Variants in AR observed in about 807,000 individuals in gnomAD.
AR encodes the protein dihydrotestosterone receptor.
Under a neutral mutation model 53.9 loss-of-function variants are expected in AR, and 8 were observed. That is an observed-to-expected ratio of 0.15 (90% confidence interval 0.09 to 0.27). AR has a LOEUF of 0.27. Ranked by LOEUF, AR falls within the 10% of genes least tolerant of loss-of-function variation. The pLI, the probability that AR is intolerant of heterozygous loss-of-function variation, is 1.00. For synonymous variants in AR, 359 were observed against 316.4 expected, an observed-to-expected ratio of 1.13 and a Z score of -1.43; for missense variants, 639 against 742.5, an observed-to-expected ratio of 0.86 and a Z score of 1.62.
chrX:67,685,254 A>G (rs1348326038), intron 2 of AR, among the ~76,000 whole-genome samples: 1 of 111,833 alleles, frequency 8.9e-6, no homozygotes, highest in African/African-American at 3.2e-5. Context: ...TAAAGGAGCA[A>G]AGTATTGAGC....
chrX:67,627,905 A>G (rs1215851970), intron 1 of AR, among the ~76,000 whole-genome samples: 2 of 111,875 alleles, frequency 1.8e-5, no homozygotes, highest in African/African-American at 6.5e-5. Context: ...TCCTTGCCCC[A>G]TTGCTTATTT....
At chrX:67,566,832 C>A (rs184655729) in intron 1 of AR, among the ~76,000 whole-genome samples, 16 of 111,469 alleles carry the variant, frequency 1.4e-4, no homozygotes, top group Admixed American at 2.9e-4. Context: ...TGAGCATTTA[C>A]CTGTCAGTGA....
At chrX:67,691,716 A>G (rs2075996473) in intron 3 of AR, among the ~76,000 whole-genome samples, 1 of 112,101 alleles carries the variant, frequency 8.9e-6, no homozygotes. Flanking sequence ...GAATCAGTCA[A>G]TAATGCATTA....
In AR at chrX:67,687,337, T is replaced by G. The variant is rs1166092191; in HGVS notation, c.1885+1211T>G. On this transcript the variant is annotated intron_variant, in intron 3 of 7. Transcript: ENST00000374690. Reference sequence around the variant, plus strand: ...TCCCCATCCTCACAGGGCAGTAGTATTATTTAAACAGAACAAAGTACCTCA... The same window carrying G: ...TCCCCATCCTCACAGGGCAGTAGTAGTATTTAAACAGAACAAAGTACCTCA... Among the ~76,000 whole-genome samples, 83 of 112,119 alleles carry G rather than the reference T, an allele frequency of 7.4e-4. 1 individual carries two copies. In the Admixed American group the frequency reaches 7.8e-3, roughly 10 times the overall value.
chrX:67,674,179 T>TTC (rs1306417766), intron 2 of AR, among the ~76,000 whole-genome samples: 1 of 103,603 alleles, frequency 9.7e-6, no homozygotes. Context: ...CTCTCTCTCT[T>TTC]TCTCTCTCTC....
intron 2 of AR, among the ~76,000 whole-genome samples, chrX:67,682,577 C>T (rs1230492024): frequency 9.9e-5 from 11 of 111,670 alleles, no homozygotes. Flanking sequence ...AGGAGTGAGC[C>T]ACTGCACCTG....
chrX:67,683,025 A>G (rs1168645138), intron 2 of AR, among the ~76,000 whole-genome samples: 1 of 112,105 alleles, frequency 8.9e-6, no homozygotes, highest in East Asian at 2.8e-4. Flanking sequence ...GGTGTGTTTT[A>G]TGCTTTATGT....
chrX:67,661,187 T>A (rs1199795708), intron 2 of AR, among the ~76,000 whole-genome samples: 1 of 111,501 alleles, frequency 9.0e-6, no homozygotes, highest in East Asian at 2.8e-4. Context: ...CCTCTTTTCC[T>A]AATTGAATGC....
In AR at chrX:67,710,013, G is replaced by A. The variant is rs111835203; in HGVS notation, c.1886-1389G>A. On this transcript the variant is annotated intron_variant, in intron 3 of 7. Coordinates refer to ENST00000374690, the MANE Select transcript of AR (RefSeq NM_000044.6). ...GATATGTGTGCCTGCCAACCTTTCC[G>A]TCTCCAAGAGCTTTAACTATCAAAA... 3.4e-3 allele frequency among the ~76,000 whole-genome samples: 379 copies of A among 110,991 alleles called. 1 individual carries two copies. The highest frequency in any genetic ancestry group is 0.011 in the African/African-American group (344 of 30,520).
intron 1 of AR, among the ~76,000 whole-genome samples, chrX:67,592,971 G>A (rs950023683): frequency 2.7e-5 from 3 of 111,785 alleles, no homozygotes; most frequent in African/African-American, 9.8e-5. Flanking sequence ...ATAGTGCCAA[G>A]AATATTATCT....
chrX:67,723,959 C>A lies in AR; in HGVS notation c.*118C>A. On this transcript the variant is annotated 3_prime_UTR_variant, in exon 8 of 8. Transcript: ENST00000374690. ...TTGGGGAATTTCCTCTATTGATGTA[C>A]AGTCTGTCATGAACATGTTCCTGAA... 1 of 962,179 alleles carries A rather than the reference C, an allele frequency of 1.0e-6. No individual in the cohort carries two copies. The highest frequency in any genetic ancestry group is 1.5e-6 in the Non-Finnish European group (1 of 684,973). 79.3% of individuals were successfully genotyped at this position (962,179 alleles called of 1,213,427 possible). A position where few individuals can be genotyped will look rare whatever the true frequency, so the allele number is the denominator to read the frequency against.
At chrX:67,704,198 C>A (rs753809043) in intron 3 of AR, among the ~76,000 whole-genome samples, 1 of 111,764 alleles carries the variant, frequency 8.9e-6, no homozygotes, top group African/African-American at 3.3e-5. Flanking sequence ...ATTTCTAGTT[C>A]TAGATCCCTG....
Position 67,555,189 on chromosome X carries a change from AT to A in AR, c.1616+8431del, listed in dbSNP as rs1426527936. Among the ~76,000 whole-genome samples the A allele has an allele frequency of 4.5e-5, 5 of 111,462 alleles. No individual in the cohort carries two copies. In the Admixed American group the frequency reaches 4.8e-4, roughly 11 times the overall value. On this transcript the variant is annotated intron_variant, in intron 1 of 7. Coordinates refer to ENST00000374690, the MANE Select transcript of AR (RefSeq NM_000044.6). Reference sequence around the variant, plus strand: ...GGTATGGATTTCTTAAAATGTAGATATTTTAAAAAAAAAGAGGAATGAATCA... The same window carrying A: ...GGTATGGATTTCTTAAAATGTAGATATTTAAAAAAAAAGAGGAATGAATCA...
chrX:67,678,901 G>C (rs1404965160), intron 2 of AR, among the ~76,000 whole-genome samples: 1 of 111,802 alleles, frequency 8.9e-6, no homozygotes, highest in African/African-American at 3.2e-5. Flanking sequence ...TAGGAAAAGA[G>C]AGATAATAAA....
chrX:67,694,018 C>T (rs969679793), intron 3 of AR, among the ~76,000 whole-genome samples: 1 of 111,329 alleles, frequency 9.0e-6, no homozygotes, highest in Non-Finnish European at 1.9e-5. Context: ...AAATCTGCAT[C>T]TTGACCAAGA....
Position 67,725,439 on chromosome X carries a change from C to A in AR, c.*1598C>A. ...GAGCAGCTAAAGGGGCTACCCAGATCAGGGTTGAAGAGAAAACTCAATTAC... is the reference window on the plus strand; with the variant it reads ...GAGCAGCTAAAGGGGCTACCCAGATAAGGGTTGAAGAGAAAACTCAATTAC... On this transcript the variant is annotated 3_prime_UTR_variant, in exon 8 of 8. Transcript: ENST00000374690. 5.7e-6 allele frequency: 1 copy of A among 175,747 alleles called. No homozygotes were observed. The highest frequency in any genetic ancestry group is 1.1e-5 in the Non-Finnish European group (1 of 91,747). The allele number at this position is 175,747 out of a possible 1,213,427, so 14.5% of individuals were successfully genotyped here.
chrX:67,712,091 G>A (rs1208655786), intron 4 of AR, among the ~76,000 whole-genome samples: 1 of 111,851 alleles, frequency 8.9e-6, no homozygotes, highest in East Asian at 2.8e-4. Flanking sequence ...TGTCTTCAAT[G>A]TCATCTTTAG....
chrX:67,569,272 G>C (rs1029249417), intron 1 of AR, among the ~76,000 whole-genome samples: 2 of 110,290 alleles, frequency 1.8e-5, no homozygotes, highest in Non-Finnish European at 3.8e-5. Flanking sequence ...CACTTAATTC[G>C]CTATGATAAG....
At chrX:67,700,484 G>A (rs1159458659) in intron 3 of AR, among the ~76,000 whole-genome samples, 1 of 111,339 alleles carries the variant, frequency 9.0e-6, no homozygotes, top group Non-Finnish European at 1.9e-5. Context: ...ACAGAACAGA[G>A]GATCCCCCGG....
Sources: allele counts gnomAD v4.1 joint callset (sites outside exome capture counted in the v4.1 genomes callset), GRCh38; gene constraint gnomAD v4.1.1; transcripts MANE v1.5; gene names NCBI Gene and HGNC (gene_info 2026-07-23, HGNC 2026-07-21).